The following UBE2D2 variants were observed in gnomAD, a reference collection of about 807,000 sequenced individuals.
UBE2D2 encodes ubiquitin-conjugating enzyme E2 D2.
A neutral mutation model predicts 24.2 loss-of-function variants in UBE2D2; 2 were observed. The ratio of observed to expected loss-of-function variants is 0.08; its 90% CI spans 0.03 to 0.26. The LOEUF is 0.26. Among genes scored for constraint, UBE2D2 ranks in the 10% least tolerant of loss-of-function variants. UBE2D2 has a pLI of 1.00. For synonymous variants in UBE2D2, 58 were observed against 56.5 expected (o/e 1.03, Z -0.12); for missense variants, 44 against 177.6 (o/e 0.25, Z 4.28).
intron 1 of UBE2D2, among the ~76,000 whole-genome samples, chr5:139,548,184 TAAAA>T (rs1420608616): frequency 4.3e-5 from 2 of 46,882 alleles, no homozygotes; most frequent in African/African-American, 1.2e-4. Flanking sequence ...AAAAAAAAAA[TAAAA>T]AAAAAAAATA....
chr5:139,576,376 C>T (rs976907204), intron 1 of UBE2D2, among the ~76,000 whole-genome samples: 3 of 152,280 alleles, frequency 2.0e-5, no homozygotes, highest in African/African-American at 7.2e-5. Context: ...GGCTACATCA[C>T]TCCAGCATCT....
intron 2 of UBE2D2, among the ~76,000 whole-genome samples, chr5:139,603,712 G>A (rs1037316019): frequency 2.6e-5 from 4 of 151,828 alleles, no homozygotes; most frequent in African/African-American, 9.7e-5. Context: ...CGAGGCAGGT[G>A]GATTACCTGA....
At position 139,533,767 on chromosome 5, in the gene UBE2D2, A is replaced by G. The variant is rs1391962922; in HGVS notation, c.-64+7155A>G. Among the ~76,000 whole-genome samples, 6 of 151,310 alleles carry G rather than the reference A, an allele frequency of 4.0e-5. No individual in the cohort carries two copies. In the East Asian group the frequency reaches 1.2e-3, roughly 29 times the overall value. ...AAGAATTTAACTAGAGAACAATCTC[A>G]GCATAAATTAAAAAACATCTTTTTT... On this transcript the variant is annotated intron_variant, in intron 1 of 6. Transcript: ENST00000511725.
At position 139,578,434 on chromosome 5, in the gene UBE2D2, TTGTGTG is replaced by T. The variant is rs34697798; in HGVS notation, c.24+16649_24+16654del. ...AAATTCTAAACTTCTGTTTTGTGTT[TTGTGTG>T]TGTGTGTGTGTGTGTGTGTGTGTGT... On this transcript the variant is annotated intron_variant, in intron 1 of 6. Transcript: ENST00000398733. 6.2e-4 allele frequency among the ~76,000 whole-genome samples: 90 copies of T among 145,064 alleles called. 1 individual carries two copies. Among genetic ancestry groups the T allele is most frequent in the Admixed American group, 9.9e-4 (14 of 14,198 alleles).
At chr5:139,611,350 C>T (rs622355) in intron 2 of UBE2D2, among the ~76,000 whole-genome samples, 1 of 151,812 alleles carries the variant, frequency 6.6e-6, no homozygotes, top group Non-Finnish European at 1.5e-5. Context: ...TCACGCCCAG[C>T]TAATTTTTTA....
At chr5:139,626,632 A>T in intron 6 of UBE2D2, 124 bp from the exon 7 acceptor site, 1 of 748,112 alleles carries the variant, frequency 1.3e-6, no homozygotes, top group Non-Finnish European at 2.3e-6. Flanking sequence ...TGGGATAGAA[A>T]GGGGCCTTTC....
intron 2 of UBE2D2, among the ~76,000 whole-genome samples, chr5:139,608,209 A>G (rs1581526374): frequency 6.6e-6 from 1 of 151,926 alleles, no homozygotes; most frequent in East Asian, 1.9e-4. Flanking sequence ...AGGTGGGCGG[A>G]TTGCCTGAGC....
chr5:139,619,836 C>T (rs1754481804), intron 5 of UBE2D2, among the ~76,000 whole-genome samples: 1 of 151,472 alleles, frequency 6.6e-6, no homozygotes, highest in East Asian at 1.9e-4. Context: ...GCACTCCAGC[C>T]TGGGCAACAA....
chr5:139,538,565 T>C (rs1266889927), intron 1 of UBE2D2, among the ~76,000 whole-genome samples: 1 of 151,998 alleles, frequency 6.6e-6, no homozygotes, highest in East Asian at 1.9e-4. Flanking sequence ...AATCCCTTGG[T>C]AAAATATATA....
At chr5:139,592,530 T>TCAAA (rs1753865612) in intron 1 of UBE2D2, among the ~76,000 whole-genome samples, 1 of 151,982 alleles carries the variant, frequency 6.6e-6, no homozygotes, top group South Asian at 2.1e-4. Flanking sequence ...ATGGTGATCC[T>TCAAA]GCTGTGTCAG....
intron 1 of UBE2D2, among the ~76,000 whole-genome samples, chr5:139,576,164 T>C (rs779059506): frequency 1.3e-5 from 2 of 152,218 alleles, no homozygotes; most frequent in Non-Finnish European, 2.9e-5. Flanking sequence ...CCATCTGTAT[T>C]AGTTTCCTAG....
At chr5:139,619,132 G>C (rs572014893) in intron 5 of UBE2D2, among the ~76,000 whole-genome samples, 1 of 152,278 alleles carries the variant, frequency 6.6e-6, no homozygotes, top group Admixed American at 6.5e-5. Context: ...AGGCGCAGTG[G>C]CTCATGACTG....
intron 5 of UBE2D2, among the ~76,000 whole-genome samples, chr5:139,622,263 A>G (rs1016050259): frequency 8.6e-5 from 13 of 150,722 alleles, no homozygotes; most frequent in Admixed American, 1.3e-4. Context: ...TATTTTTTGG[A>G]GATGGATTTT....
At chr5:139,552,502 CTTTTTTCT>C (rs1457538490) in intron 1 of UBE2D2, among the ~76,000 whole-genome samples, 51 of 138,378 alleles carry the variant, frequency 3.7e-4, no homozygotes, top group African/African-American at 9.5e-4. Flanking sequence ...TTTCTTTTTT[CTTTTTTCT>C]TTTTTTTTTT....
At chr5:139,537,931 T>G (rs1380084152) in intron 1 of UBE2D2, among the ~76,000 whole-genome samples, 1 of 149,582 alleles carries the variant, frequency 6.7e-6, no homozygotes, top group Non-Finnish European at 1.5e-5. Flanking sequence ...GCCACTGCAC[T>G]CCATCCTGGG....
intron 1 of UBE2D2, among the ~76,000 whole-genome samples, chr5:139,584,062 T>C (rs1298970157): frequency 6.6e-6 from 1 of 152,230 alleles, no homozygotes; most frequent in Non-Finnish European, 1.5e-5. Context: ...AGTAATGTCC[T>C]AGGCCCTCAC....
At chr5:139,584,461 CAAAG>C (rs1753674648) in intron 1 of UBE2D2, among the ~76,000 whole-genome samples, 1 of 151,268 alleles carries the variant, frequency 6.6e-6, no homozygotes, top group South Asian at 2.1e-4. Flanking sequence ...CTAAAGTACT[CAAAG>C]AAACTCCTTG....
chr5:139,625,754 A>G (rs1158338532), intron 6 of UBE2D2, among the ~76,000 whole-genome samples: 1 of 151,104 alleles, frequency 6.6e-6, no homozygotes, highest in Non-Finnish European at 1.5e-5. Context: ...ACAGGCGCAC[A>G]TCACCATGCC....
At chr5:139,529,948 A>G (rs1218507531) in intron 1 of UBE2D2, among the ~76,000 whole-genome samples, 1 of 152,226 alleles carries the variant, frequency 6.6e-6, no homozygotes, top group Non-Finnish European at 1.5e-5. Context: ...CCCGAAAATT[A>G]GTTCCTACAG....
Sources: gnomAD v4.1 joint callset for allele counts (sites outside exome capture counted in the v4.1 genomes callset) on GRCh38, gnomAD v4.1.1 for gene constraint, MANE v1.5 for transcripts, NCBI Gene and HGNC (gene_info 2026-07-23, HGNC 2026-07-21) for gene names.